The following ZMIZ1 variants were observed in gnomAD, a reference collection of about 807,000 sequenced individuals.
The protein encoded by ZMIZ1 is zinc finger MIZ-type containing 1.
A neutral mutation model predicts 113.9 loss-of-function variants in ZMIZ1; 17 were observed. The observed-to-expected ratio is 0.15, with a 90% CI of 0.10 to 0.22. ZMIZ1 has a LOEUF of 0.22. Ranked by LOEUF, ZMIZ1 falls within the 10% of genes least tolerant of loss-of-function variation. The pLI, the probability that ZMIZ1 is intolerant of heterozygous loss-of-function variation, is 1.00. For missense variants in ZMIZ1, 1,059 were observed against 1,477.8 expected, an observed-to-expected ratio of 0.72 and a Z score of 4.65; for synonymous variants, 607 against 603.1, an observed-to-expected ratio of 1.01 and a Z score of -0.09.
chr10:79,309,461 T>C (rs956422796), intron 23 of ZMIZ1, among the ~76,000 whole-genome samples: 2 of 152,172 alleles, frequency 1.3e-5, no homozygotes, highest in Non-Finnish European at 2.9e-5. Flanking sequence ...GGCCCATTCC[T>C]CCAGCCTCTT....
At chr10:79,304,757 T>A (rs1854565235) in intron 19 of ZMIZ1, among the ~76,000 whole-genome samples, 1 of 152,218 alleles carries the variant, frequency 6.6e-6, no homozygotes, top group South Asian at 2.1e-4. Context: ...GGCAAGAGGA[T>A]GGTCTGGTCA....
intron 2 of ZMIZ1, among the ~76,000 whole-genome samples, chr10:79,135,941 A>G (rs1485138878): frequency 6.6e-6 from 1 of 151,534 alleles, no homozygotes; most frequent in African/African-American, 2.4e-5. Flanking sequence ...CCCTCTCATC[A>G]GCCCCTTTAT....
At chr10:79,203,858 C>A (rs1848205143) in intron 5 of ZMIZ1, among the ~76,000 whole-genome samples, 1 of 152,218 alleles carries the variant, frequency 6.6e-6, no homozygotes, top group African/African-American at 2.4e-5. Flanking sequence ...ATGCCAGAGC[C>A]CACACCACCC....
Position 79,296,699 on chromosome 10 carries a change from A to C in ZMIZ1, c.1413+46A>C. ...CACCCACGGGGCCCCTTCCCTCCTA[A>C]CCACCTCACTCCCCTAACTCCACCG... On this transcript the variant is annotated intron_variant, in intron 13 of 24. Coordinates refer to ENST00000334512, the MANE Select transcript of ZMIZ1 (RefSeq NM_020338.4). This position sits in a 1 kb window ranked among gnomAD's most constrained non-coding sequence, Gnocchi z 4.1. The C allele has an allele frequency of 2.0e-6, 3 of 1,490,608 alleles. No homozygotes were observed. Among genetic ancestry groups the C allele is most frequent in the Non-Finnish European group, 2.7e-6 (3 of 1,111,858 alleles). 92.3% of individuals were successfully genotyped at this position (1,490,608 alleles called of 1,614,324 possible).
chr10:79,297,336 G>A (rs1274736610), intron 13 of ZMIZ1, among the ~76,000 whole-genome samples: 4 of 152,106 alleles, frequency 2.6e-5, no homozygotes, highest in Non-Finnish European at 5.9e-5. Flanking sequence ...ATTTATTATG[G>A]CCATCTACCA....
At chr10:79,071,075 G>A (rs969139721) in intron 1 of ZMIZ1, among the ~76,000 whole-genome samples, 2 of 152,180 alleles carry the variant, frequency 1.3e-5, no homozygotes, top group African/African-American at 4.8e-5. Context: ...AGCCCTCTGG[G>A]TGGACAGCCC....
At chr10:79,115,969 G>T (rs1455231579) in intron 1 of ZMIZ1, among the ~76,000 whole-genome samples, 1 of 152,210 alleles carries the variant, frequency 6.6e-6, no homozygotes, top group Non-Finnish European at 1.5e-5. Context: ...TTGCCAGAGG[G>T]TGTAGCATTA....
chr10:79,209,280 C>A (rs1346204007), intron 6 of ZMIZ1, among the ~76,000 whole-genome samples: 4 of 152,120 alleles, frequency 2.6e-5, no homozygotes, highest in Non-Finnish European at 4.4e-5. Context: ...CCCGATGGAA[C>A]CCAGAGAACA....
intron 7 of ZMIZ1, among the ~76,000 whole-genome samples, chr10:79,248,193 G>A (rs1450739908): frequency 6.6e-6 from 1 of 152,036 alleles, no homozygotes; most frequent in Non-Finnish European, 1.5e-5. Flanking sequence ...AGAAGGAAGA[G>A]GGGAAAATGG....
rs1269214124 is a variant in ZMIZ1, at chr10:79,069,024, A to T, written c.-583A>T. 3 of 151,264 alleles carry T rather than the reference A, an allele frequency of 2.0e-5. No homozygotes were observed. The highest frequency in any genetic ancestry group is 6.6e-5 in the Admixed American group (1 of 15,112). The allele number at this position is 151,264 out of a possible 1,614,324, so 9.4% of individuals were successfully genotyped here. On this transcript the variant is annotated 5_prime_UTR_variant, in exon 1 of 25. Coordinates refer to ENST00000334512, the MANE Select transcript of ZMIZ1 (RefSeq NM_020338.4). The surrounding 1 kb of genome is among the most constrained non-coding windows in gnomAD (Gnocchi z 4.6). ...ACTGTCTGTGGACATTAAAAAAGCG[A>T]GCGGCGGCGGCGGGCGCCGGGGAGA...
At chr10:79,117,365 A>G (rs893767956) in intron 1 of ZMIZ1, among the ~76,000 whole-genome samples, 7 of 152,204 alleles carry the variant, frequency 4.6e-5, no homozygotes, top group African/African-American at 7.2e-5. Context: ...TGACCTTTAT[A>G]TAAATGGATC....
chr10:79,162,079 G>A lies in ZMIZ1; in HGVS notation c.-104G>A. 2.5e-6 allele frequency: 1 copy of A among 399,328 alleles called. No homozygotes were observed. 24.7% of individuals were successfully genotyped at this position (399,328 alleles called of 1,614,324 possible). On this transcript the variant is annotated 5_prime_UTR_variant, in exon 4 of 25. Transcript: ENST00000334512. ...AGGATGGAGCTGGAGTGAGGTGGAG[G>A]GGCCGCAAGCTGCTGACCGGCGTGT...
chr10:79,114,278 A>T (rs1460799523), intron 1 of ZMIZ1, among the ~76,000 whole-genome samples: 1 of 152,246 alleles, frequency 6.6e-6, no homozygotes, highest in Non-Finnish European at 1.5e-5. Context: ...CAATAATTTA[A>T]TACGCTCTCT....
intron 8 of ZMIZ1, among the ~76,000 whole-genome samples, chr10:79,283,478 A>T (rs1023515554): frequency 3.3e-5 from 5 of 152,230 alleles, no homozygotes; most frequent in African/African-American, 1.2e-4. Flanking sequence ...GCCAGGTGCC[A>T]TCAAATTCTT....
At chr10:79,292,828 G>A (rs1178280692) in intron 11 of ZMIZ1, 2 of 462,800 alleles carry the variant, frequency 4.3e-6, no homozygotes, top group South Asian at 1.5e-5. Context: ...TAGGGGATGA[G>A]GAGAGGGGAG....
At chr10:79,106,574 C>A (rs980823406) in intron 1 of ZMIZ1, among the ~76,000 whole-genome samples, 1 of 152,236 alleles carries the variant, frequency 6.6e-6, no homozygotes. Context: ...CCCAGAAGCT[C>A]CTATAAGAAC....
At chr10:79,178,713 C>T (rs1449150508) in intron 4 of ZMIZ1, among the ~76,000 whole-genome samples, 1 of 152,204 alleles carries the variant, frequency 6.6e-6, no homozygotes, top group East Asian at 1.9e-4. Flanking sequence ...ATGCTTCCTT[C>T]CCTCCTGCTC....
intron 3 of ZMIZ1, among the ~76,000 whole-genome samples, chr10:79,150,625 A>G (rs988592974): frequency 1.6e-4 from 25 of 152,318 alleles, no homozygotes; most frequent in African/African-American, 5.3e-4. Flanking sequence ...GTAGAAAAAC[A>G]GGGAGAGGCA....
In ZMIZ1 at chr10:79,296,294, C is replaced by A; in HGVS notation, c.1231-177C>A. ...TGGCCTATGATCTGGACAGGCAGAA[C>A]AAAATGCCCCTGGATGTCAGGACGA... is the stretch of plus-strand genomic sequence containing the variant. On this transcript the variant is annotated intron_variant, in intron 12 of 24. Transcript: ENST00000334512. This position sits in a 1 kb window ranked among gnomAD's most constrained non-coding sequence, Gnocchi z 4.1. The A allele has an allele frequency of 1.4e-6, 1 of 710,372 alleles. No homozygotes were observed. The highest frequency in any genetic ancestry group is 2.4e-6 in the Non-Finnish European group (1 of 412,942). 44.0% of individuals were successfully genotyped at this position (710,372 alleles called of 1,614,324 possible).
Sources: allele counts gnomAD v4.1 joint callset (sites outside exome capture counted in the v4.1 genomes callset), GRCh38; gene constraint gnomAD v4.1.1; non-coding constraint Gnocchi (gnomAD v3.1); transcripts MANE v1.5; gene names NCBI Gene and HGNC (gene_info 2026-07-23, HGNC 2026-07-21).